Variants in KAT6B observed in about 807,000 individuals in gnomAD.
The protein encoded by KAT6B is histone acetyltransferase KAT6B.
KAT6B carries 10 observed loss-of-function variants against 187.5 expected under a neutral mutation model. The ratio of observed to expected loss-of-function variants is 0.05; its 90% confidence interval spans 0.03 to 0.09. The LOEUF (loss-of-function observed/expected upper bound fraction) is 0.09, where lower values mean the gene tolerates loss of function less well. KAT6B is among the 10% of genes least tolerant of loss of function. The probability of loss-of-function intolerance (pLI) is 1.00; values close to 1 mark genes in which losing one functional copy is unlikely to be tolerated. For missense variants in KAT6B, 1,952 were observed against 2,558.9 expected (o/e 0.76, Z 5.12); for synonymous variants, 861 against 926.8 (o/e 0.93, Z 1.29).
intron 3 of KAT6B, among the ~76,000 whole-genome samples, chr10:74,884,655 G>A (rs1326044514): frequency 6.6e-6 from 1 of 151,862 alleles, no homozygotes; most frequent in Non-Finnish European, 1.5e-5. Flanking sequence ...TGCAACACCT[G>A]CTTCCTGGTT....
At chr10:74,835,761 T>C (rs544949887) in intron 1 of KAT6B, among the ~76,000 whole-genome samples, 47 of 152,362 alleles carry the variant, frequency 3.1e-4, no homozygotes, top group African/African-American at 1.1e-3. Flanking sequence ...AGGAAATGGT[T>C]GGTATTATTA....
chr10:74,913,385 ATAAG>A (rs1157679341), intron 3 of KAT6B, among the ~76,000 whole-genome samples: 4 of 152,242 alleles, frequency 2.6e-5, no homozygotes, highest in African/African-American at 4.8e-5. Flanking sequence ...ATTAACAAAA[ATAAG>A]TAAGAATAGA....
intron 3 of KAT6B, among the ~76,000 whole-genome samples, chr10:74,869,336 C>T (rs377339691): frequency 1.3e-5 from 2 of 152,068 alleles, no homozygotes; most frequent in Admixed American, 6.5e-5. Flanking sequence ...CTCTGTTGCC[C>T]ACCCAGACTG....
intron 3 of KAT6B, among the ~76,000 whole-genome samples, chr10:74,953,898 G>C (rs1840487985): frequency 6.6e-6 from 1 of 152,128 alleles, no homozygotes; most frequent in Admixed American, 6.6e-5. Context: ...GTAAAATAAA[G>C]CTTCTTAAAA....
Position 75,032,050 on chromosome 10 carries a change from A to G in KAT6B, c.*1004A>G, listed in dbSNP as rs2134263978. 2 of 194,684 alleles carry G rather than the reference A, an allele frequency of 1.0e-5. No individual in the cohort carries two copies. Among genetic ancestry groups the G allele is most frequent in the African/African-American group, 2.3e-5 (1 of 43,298 alleles). The allele number at this position is 194,684 out of a possible 1,614,324, so 12.1% of individuals were successfully genotyped here. A position where few individuals can be genotyped will look rare whatever the true frequency, so the allele number is the denominator to read the frequency against. On this transcript the variant is annotated 3_prime_UTR_variant, in exon 18 of 18. Coordinates refer to ENST00000287239, the MANE Select transcript of KAT6B (RefSeq NM_012330.4). Reference sequence around the variant, plus strand: ...AGCTCAAACTAAGCTTACAAATCGCATGTAAAAAAGCAAAAAAGTTATTTG... The same window carrying G: ...AGCTCAAACTAAGCTTACAAATCGCGTGTAAAAAAGCAAAAAAGTTATTTG...
chr10:74,883,256 G>A (rs1239435225), intron 3 of KAT6B, among the ~76,000 whole-genome samples: 1 of 152,144 alleles, frequency 6.6e-6, no homozygotes, highest in East Asian at 1.9e-4. Context: ...GCTTGCCGCT[G>A]TCTGAGGATT....
intron 3 of KAT6B, among the ~76,000 whole-genome samples, chr10:74,888,071 G>GC (rs1491355986): frequency 1.6e-4 from 24 of 152,314 alleles, no homozygotes; most frequent in Admixed American, 5.9e-4. Flanking sequence ...TCTTTCAGAG[G>GC]TGGGGTCAGG....
chr10:74,939,338 T>C (rs1849492637), intron 3 of KAT6B, among the ~76,000 whole-genome samples: 1 of 152,202 alleles, frequency 6.6e-6, no homozygotes, highest in African/African-American at 2.4e-5. Flanking sequence ...TATCACATAC[T>C]AGGGGCTAAG....
chr10:74,885,948 G>T (rs752838975), intron 3 of KAT6B, among the ~76,000 whole-genome samples: 6 of 152,140 alleles, frequency 3.9e-5, no homozygotes, highest in Non-Finnish European at 7.4e-5. Context: ...GGCCAGGATG[G>T]TCTTGATCTC....
At chr10:74,850,727 T>TCACATATTC (rs1842424983) in intron 3 of KAT6B, among the ~76,000 whole-genome samples, 1 of 152,238 alleles carries the variant, frequency 6.6e-6, no homozygotes, top group South Asian at 2.1e-4. Context: ...CTTTGGAAAG[T>TCACATATTC]CACATATTCT....
chr10:74,851,769 A>C (rs2132175161), intron 3 of KAT6B, among the ~76,000 whole-genome samples: 1 of 152,326 alleles, frequency 6.6e-6, no homozygotes, highest in East Asian at 1.9e-4. Flanking sequence ...ATACGTTGTT[A>C]GGGTTTTTGG....
Position 75,030,682 on chromosome 10 carries a change from A to G in KAT6B, c.5858A>G (p.Gln1953Arg). The G allele has an allele frequency of 2.5e-6, 4 of 1,614,272 alleles. No individual in the cohort carries two copies. Among genetic ancestry groups the G allele is most frequent in the East Asian group, 2.2e-5 (1 of 44,884 alleles). ...GGGCGCTCCCAGACTGTAGCCATGC[A>G]GGGTCCTGCACGGACTTTAACGATG... ...IYGRSQTVAM[Q>R]GPARTLTMQR... is the part of the protein sequence containing the mutation. Residue 1953 changes from glutamine to arginine, a missense_variant, in exon 18 of 18, where the codon CAG (glutamine) becomes CGG (arginine). This residue lies in a region of KAT6B where 358 missense variants were observed against 436.3 expected (regional missense o/e 0.82). Transcript: ENST00000287239. This position sits in a 1 kb window ranked among gnomAD's most constrained non-coding sequence, Gnocchi z 4.8.
intron 3 of KAT6B, among the ~76,000 whole-genome samples, chr10:74,867,273 C>T (rs900446095): frequency 6.6e-6 from 1 of 152,152 alleles, no homozygotes; most frequent in East Asian, 1.9e-4. Context: ...TGATTTCTTA[C>T]TCTGAAGTTG....
chr10:74,830,728 CTTCATATATATATATATATATATA>C (rs1323799442), intron 1 of KAT6B, among the ~76,000 whole-genome samples: 45 of 56,346 alleles, frequency 8.0e-4, no homozygotes, highest in Admixed American at 3.3e-3. Flanking sequence ...TTGCACAGCT[CTTCATATATATATATATATATATA>C]TATATATATA....
intron 3 of KAT6B, 92 bp downstream of exon 3, chr10:74,843,570 T>A: frequency 6.8e-7 from 1 of 1,472,274 alleles, no homozygotes. Flanking sequence ...AAGTTCTGAA[T>A]AAAGTTTGAT....
At chr10:74,961,351 C>T (rs190823581) in intron 4 of KAT6B, among the ~76,000 whole-genome samples, 1 of 152,158 alleles carries the variant, frequency 6.6e-6, no homozygotes, top group Admixed American at 6.5e-5. Flanking sequence ...GTGTAACTGC[C>T]TGATCAATTT....
intron 3 of KAT6B, among the ~76,000 whole-genome samples, chr10:74,942,016 G>A (rs1381293039): frequency 6.6e-6 from 1 of 152,180 alleles, no homozygotes; most frequent in African/African-American, 2.4e-5. Context: ...CAGGCATGGT[G>A]TCAGGTGCCT....
chr10:74,839,790 A>G (rs1252031588), intron 2 of KAT6B, among the ~76,000 whole-genome samples: 1 of 152,224 alleles, frequency 6.6e-6, no homozygotes, highest in African/African-American at 2.4e-5. Flanking sequence ...GTTCTAAACT[A>G]ACTGACAGAG....
At chr10:74,858,424 G>A (rs771487633) in intron 3 of KAT6B, among the ~76,000 whole-genome samples, 30 of 151,858 alleles carry the variant, frequency 2.0e-4, no homozygotes, top group Non-Finnish European at 3.2e-4. Flanking sequence ...CTACAGGGGC[G>A]TGTGCCACCA....
Sources: allele counts gnomAD v4.1 joint callset (sites outside exome capture counted in the v4.1 genomes callset), GRCh38; gene constraint gnomAD v4.1.1; regional missense constraint gnomAD v4.1.1; non-coding constraint Gnocchi (gnomAD v3.1); transcripts MANE v1.5; gene names NCBI Gene and HGNC (gene_info 2026-07-23, HGNC 2026-07-21).